Variants in PCSK5 observed in about 807,000 individuals in gnomAD.
PCSK5 encodes prohormone convertase 5.
In PCSK5, 129 loss-of-function variants were observed where a neutral mutation model predicts 233.2. That is an observed-to-expected ratio of 0.55 (90% CI 0.48 to 0.64). The LOEUF (loss-of-function observed/expected upper bound fraction) is 0.64. Ranked by LOEUF, PCSK5 falls within the 30% of genes least tolerant of loss-of-function variation. The pLI, the probability that PCSK5 is intolerant of heterozygous loss-of-function variation, is 0.00. For synonymous variants in PCSK5, 825 were observed against 879.2 expected (o/e 0.94, Z 1.09); for missense variants, 2,076 against 2,430.1 (o/e 0.85, Z 3.06).
At chr9:76,124,786 A>G (rs1438254046) in intron 9 of PCSK5, among the ~76,000 whole-genome samples, 9 of 149,290 alleles carry the variant, frequency 6.0e-5, no homozygotes, top group African/African-American at 2.2e-4. Flanking sequence ...AAGTCGTCAC[A>G]TTTGTATTCC....
At chr9:75,926,669 A>AT (rs149190023) in intron 1 of PCSK5, among the ~76,000 whole-genome samples, 144 of 152,300 alleles carry the variant, frequency 9.5e-4, no homozygotes, top group African/African-American at 3.2e-3. Context: ...CTGTCTTAGA[A>AT]TTTTATGTTA....
intron 28 of PCSK5, among the ~76,000 whole-genome samples, chr9:76,304,333 C>T (rs1828708963): frequency 6.6e-6 from 1 of 152,184 alleles, no homozygotes; most frequent in South Asian, 2.1e-4. Context: ...ACCTTTCTAT[C>T]ATCTGTATTT....
intron 3 of PCSK5, among the ~76,000 whole-genome samples, chr9:76,003,187 T>A (rs1421471173): frequency 1.3e-5 from 2 of 152,160 alleles, no homozygotes; most frequent in African/African-American, 4.8e-5. Flanking sequence ...TGGGCAGGCA[T>A]CCTTATCACG....
chr9:76,068,891 T>C (rs1457561456), intron 6 of PCSK5, among the ~76,000 whole-genome samples: 1 of 152,144 alleles, frequency 6.6e-6, no homozygotes, highest in African/African-American at 2.4e-5. Context: ...TTCCAATGCA[T>C]TATTTGTTTT....
intron 30 of PCSK5, among the ~76,000 whole-genome samples, chr9:76,311,427 AAAGT>A (rs1303820082): frequency 9.2e-5 from 14 of 152,146 alleles, no homozygotes; most frequent in South Asian, 2.1e-4. Flanking sequence ...CTCCATTACA[AAAGT>A]AAGGCTGTGA....
chr9:76,053,639 T>A (rs1829716343), intron 5 of PCSK5, among the ~76,000 whole-genome samples: 1 of 152,190 alleles, frequency 6.6e-6, no homozygotes, highest in South Asian at 2.1e-4. Flanking sequence ...TCACCTTTGC[T>A]TCAGTTCCCA....
chr9:76,278,834 T>G (rs994381759), intron 24 of PCSK5, among the ~76,000 whole-genome samples: 1 of 152,166 alleles, frequency 6.6e-6, no homozygotes, highest in Non-Finnish European at 1.5e-5. Flanking sequence ...AAAATTTCAA[T>G]GTCTATTAGC....
chr9:75,893,040 A>G (rs1825677504), intron 1 of PCSK5, among the ~76,000 whole-genome samples: 1 of 152,154 alleles, frequency 6.6e-6, no homozygotes, highest in South Asian at 2.1e-4. Context: ...AGGTCTTTTT[A>G]CATGAACTTA....
intron 3 of PCSK5, among the ~76,000 whole-genome samples, chr9:76,005,829 G>A (rs990722487): frequency 1.3e-5 from 2 of 151,922 alleles, no homozygotes; most frequent in African/African-American, 4.8e-5. Context: ...CCCTCACCTG[G>A]CTCTGTTGTC....
chr9:76,049,655 C>G (rs910946925), intron 5 of PCSK5, among the ~76,000 whole-genome samples: 5 of 152,136 alleles, frequency 3.3e-5, no homozygotes, highest in Admixed American at 2.6e-4. Context: ...CTTAGTAACC[C>G]CAAGGAGCCC....
intron 23 of PCSK5, 138 bp from the exon 24 acceptor site, chr9:76,240,478 C>T (rs1207658916): frequency 1.5e-6 from 1 of 649,328 alleles, no homozygotes. Flanking sequence ...CACATATATC[C>T]TCGAGGACGG....
chr9:76,060,171 G>A (rs1464919252), intron 5 of PCSK5, among the ~76,000 whole-genome samples: 1 of 152,036 alleles, frequency 6.6e-6, no homozygotes, highest in Non-Finnish European at 1.5e-5. Context: ...TCAGGAATTA[G>A]GCATGTTGAC....
At chr9:76,168,994 CATA>C (rs1437692723) in intron 12 of PCSK5, among the ~76,000 whole-genome samples, 4 of 152,134 alleles carry the variant, frequency 2.6e-5, no homozygotes, top group African/African-American at 9.7e-5. Flanking sequence ...TTTCACTTAG[CATA>C]ATGTTTTTTA....
chr9:76,239,245 T>C (rs1424676915), intron 23 of PCSK5, 80 bp downstream of exon 23: 9 of 1,194,760 alleles, frequency 7.5e-6, no homozygotes, highest in Admixed American at 2.0e-5. Context: ...GAGACTTGAA[T>C]TGCCTTCCTG....
chr9:76,345,036 G>GCC (rs1309601767), intron 35 of PCSK5, among the ~76,000 whole-genome samples: 2 of 152,070 alleles, frequency 1.3e-5, no homozygotes, highest in Non-Finnish European at 2.9e-5. Context: ...CAAAGGTATA[G>GCC]TGCATGATGC....
chr9:75,923,980 T>A (rs1823365443), intron 1 of PCSK5, among the ~76,000 whole-genome samples: 1 of 152,170 alleles, frequency 6.6e-6, no homozygotes, highest in Non-Finnish European at 1.5e-5. Context: ...TGCTGCTTCC[T>A]CTTTTCTTTA....
At chr9:76,171,344 A>G (rs1823322576) in intron 13 of PCSK5, among the ~76,000 whole-genome samples, 1 of 152,142 alleles carries the variant, frequency 6.6e-6, no homozygotes, top group African/African-American at 2.4e-5. Context: ...TCACTGCTGG[A>G]CTCTTACAGG....
At chr9:76,048,374 G>C (rs1563994932) in intron 5 of PCSK5, among the ~76,000 whole-genome samples, 1 of 152,146 alleles carries the variant, frequency 6.6e-6, no homozygotes, top group Non-Finnish European at 1.5e-5. Context: ...ATGGTATCCT[G>C]TTAGAAGGAG....
chr9:76,035,331 C>T (rs1390885676), intron 5 of PCSK5, among the ~76,000 whole-genome samples: 1 of 152,168 alleles, frequency 6.6e-6, no homozygotes, highest in African/African-American at 2.4e-5. Context: ...TATCTAACCT[C>T]GAATTCCTAT....
Sources: gnomAD v4.1 joint callset for allele counts (sites outside exome capture counted in the v4.1 genomes callset) on GRCh38, gnomAD v4.1.1 for gene constraint, MANE v1.5 for transcripts, NCBI Gene and HGNC (gene_info 2026-07-23, HGNC 2026-07-21) for gene names.